Variants in USP13 observed in about 807,000 individuals in gnomAD.
USP13 encodes the protein ubiquitin specific peptidase 13, also known as ubiquitin carboxyl-terminal hydrolase 13.
USP13 carries 68 observed loss-of-function variants against 107.8 expected under a neutral mutation model. That is an observed-to-expected ratio of 0.63 (90% confidence interval 0.52 to 0.77). USP13 has a LOEUF of 0.77. Ranked by LOEUF, USP13 falls within the 30% of genes least tolerant of loss-of-function variation. The probability of loss-of-function intolerance (pLI) is 0.00; values close to 1 mark genes in which losing one functional copy is unlikely to be tolerated. For synonymous variants in USP13, 377 were observed against 389.5 expected, an observed-to-expected ratio of 0.97 and a Z score of 0.38; for missense variants, 945 against 1,093.3, an observed-to-expected ratio of 0.86 and a Z score of 1.91.
intron 1 of USP13, among the ~76,000 whole-genome samples, chr3:179,661,520 GT>G (rs1478132113): frequency 6.6e-6 from 1 of 151,588 alleles, no homozygotes; most frequent in East Asian, 1.9e-4. Flanking sequence ...TGGCTGGGCT[GT>G]TTCTTTGGGG....
intron 12 of USP13, among the ~76,000 whole-genome samples, chr3:179,743,355 A>G (rs1001243706): frequency 1.3e-5 from 2 of 151,222 alleles, no homozygotes; most frequent in Non-Finnish European, 2.9e-5. Context: ...CGTTCTACAC[A>G]TGTATCCTGG....
At position 179,701,147 on chromosome 3, in the gene USP13, G is replaced by C; in HGVS notation, c.477+18G>C. On this transcript the variant is annotated intron_variant, in intron 4 of 20. Transcript: ENST00000263966. Reference sequence around the variant, plus strand: ...CAGCCCTGGTCAGTGAGTGTGCACGGCTGCTAGCTAGATGCGCATGGCTCT... The same window carrying C: ...CAGCCCTGGTCAGTGAGTGTGCACGCCTGCTAGCTAGATGCGCATGGCTCT... 1 of 1,466,656 alleles carries C rather than the reference G, an allele frequency of 6.8e-7. No individual in the cohort carries two copies. Among genetic ancestry groups the C allele is most frequent in the Non-Finnish European group, 9.2e-7 (1 of 1,086,880 alleles). The allele number at this position is 1,466,656 out of a possible 1,614,324, so 90.9% of individuals were successfully genotyped here.
intron 8 of USP13, among the ~76,000 whole-genome samples, chr3:179,725,555 G>A (rs1278733101): frequency 6.6e-6 from 1 of 152,208 alleles, no homozygotes; most frequent in East Asian, 1.9e-4. Context: ...GTGCCTAGAA[G>A]TTTCTAGTAG....
At chr3:179,778,583 G>A (rs942697241) in intron 19 of USP13, among the ~76,000 whole-genome samples, 5 of 152,174 alleles carry the variant, frequency 3.3e-5, no homozygotes, top group African/African-American at 1.2e-4. Context: ...GGCCAGCATG[G>A]CGAAACCCCG....
intron 19 of USP13, among the ~76,000 whole-genome samples, chr3:179,774,765 A>AC (rs1238053175): frequency 6.6e-6 from 1 of 151,730 alleles, no homozygotes; most frequent in Non-Finnish European, 1.5e-5. Flanking sequence ...CCCTTATCTG[A>AC]CCCCACCCAC....
intron 19 of USP13, among the ~76,000 whole-genome samples, chr3:179,780,289 CTG>C (rs1715700584): frequency 6.6e-6 from 1 of 152,138 alleles, no homozygotes; most frequent in Non-Finnish European, 1.5e-5. Context: ...AGAAGTAAAA[CTG>C]TCTCTATTTG....
intron 1 of USP13, among the ~76,000 whole-genome samples, chr3:179,663,910 G>T (rs1162164689): frequency 6.6e-6 from 1 of 152,202 alleles, no homozygotes; most frequent in Non-Finnish European, 1.5e-5. Context: ...CAGCTCAGAT[G>T]TTCTTTGTGA....
intron 4 of USP13, among the ~76,000 whole-genome samples, chr3:179,701,357 A>G (rs976251823): frequency 1.3e-5 from 2 of 152,132 alleles, no homozygotes; most frequent in African/African-American, 4.8e-5. Flanking sequence ...TCTTACTTCA[A>G]GTGCTGTTAG....
chr3:179,694,554 G>T (rs1254647546), intron 3 of USP13, among the ~76,000 whole-genome samples: 3 of 152,074 alleles, frequency 2.0e-5, no homozygotes, highest in Non-Finnish European at 2.9e-5. Context: ...TGTAATCTCA[G>T]CACTTTGGGA....
At position 179,703,502 on chromosome 3, in the gene USP13, AGG is replaced by A. The variant is rs1439970939; in HGVS notation, c.477+2376_477+2377del. Among the ~76,000 whole-genome samples, 6 of 152,294 alleles carry A rather than the reference AGG, an allele frequency of 3.9e-5. No individual in the cohort carries two copies. The Middle Eastern group carries it at 0.017, about 432-fold the overall frequency. Reference sequence around the variant, plus strand: ...AGAGACATAGCACTGTGAGCTCGGCAGGGGTCTTAGAGCTTGAAATCCAATGC... The same window carrying A: ...AGAGACATAGCACTGTGAGCTCGGCAGGTCTTAGAGCTTGAAATCCAATGC... On this transcript the variant is annotated intron_variant, in intron 4 of 20. Transcript: ENST00000263966.
intron 13 of USP13, among the ~76,000 whole-genome samples, chr3:179,750,957 C>T (rs1358217456): frequency 6.6e-6 from 1 of 152,148 alleles, no homozygotes; most frequent in Non-Finnish European, 1.5e-5. Context: ...GGAAGCAATA[C>T]ATTTGCATTT....
intron 8 of USP13, 106 bp from the exon 9 acceptor site, chr3:179,730,083 A>T: frequency 1.0e-6 from 1 of 1,004,152 alleles, no homozygotes; most frequent in Non-Finnish European, 1.5e-6. Flanking sequence ...TAGATTGTTT[A>T]GTTTGACAAA....
chr3:179,778,286 A>T (rs896663586), intron 19 of USP13, among the ~76,000 whole-genome samples: 13 of 152,216 alleles, frequency 8.5e-5, no homozygotes, highest in African/African-American at 3.1e-4. Context: ...AAGCGAAAGG[A>T]GTCATTCCTT....
chr3:179,729,095 A>G (rs996989161), intron 8 of USP13, among the ~76,000 whole-genome samples: 2 of 152,206 alleles, frequency 1.3e-5, no homozygotes, highest in South Asian at 4.1e-4. Context: ...GGCCATAGGT[A>G]TAGGAGCACT....
chr3:179,727,884 G>A lies in USP13; in HGVS notation c.1089-2305G>A, dbSNP rs1206300788. 1.3e-4 allele frequency among the ~76,000 whole-genome samples: 9 copies of A among 68,916 alleles called. 3 individuals are homozygous for A. The highest frequency in any genetic ancestry group is 2.9e-4 in the Non-Finnish European group (8 of 27,606). The allele number at this position is 68,916 out of a possible 152,430, so 45.2% of individuals were successfully genotyped here. A position where few individuals can be genotyped will look rare whatever the true frequency, so the allele number is the denominator to read the frequency against. ...CCAGTAGGGGCGGCCGGGCAGAGGC[G>A]CCCCTCACCTCCCGGACGGGGCGGC... On this transcript the variant is annotated intron_variant, in intron 8 of 20. Transcript: ENST00000263966.
chr3:179,726,266 CTGGGGCAG>C (rs1713513239), intron 8 of USP13, among the ~76,000 whole-genome samples: 1 of 152,080 alleles, frequency 6.6e-6, no homozygotes, highest in Non-Finnish European at 1.5e-5. Flanking sequence ...CTGTCATGCC[CTGGGGCAG>C]CAAGAGGGAC....
Position 179,730,192 on chromosome 3 carries a change from T to C in USP13, c.1092T>C (p.Tyr364=), listed in dbSNP as rs752341422. The C allele has an allele frequency of 6.2e-7, 1 of 1,612,778 alleles. No individual in the cohort carries two copies. The highest frequency in any genetic ancestry group is 1.3e-5 in the African/African-American group (1 of 74,898). Residue 364 remains tyrosine, a synonymous_variant, in exon 9 of 21, where the codon TAT becomes TAC. Coordinates refer to ENST00000263966, the MANE Select transcript of USP13 (RefSeq NM_003940.3). The part of the protein sequence containing the change: ...IFSIPEFQRA[Y]VGNLPRIFDY... ...ACTATTGCCTCTCATTTTCTAGGTA[T>C]GTAGGAAACCTTCCCAGAATATTTG...
chr3:179,699,207 TA>T (rs1371698661), intron 3 of USP13, among the ~76,000 whole-genome samples: 2 of 152,168 alleles, frequency 1.3e-5, no homozygotes, highest in African/African-American at 4.8e-5. Context: ...GATTCCAACT[TA>T]AAAAAATATA....
At chr3:179,674,959 A>G (rs1720851415) in intron 1 of USP13, among the ~76,000 whole-genome samples, 1 of 152,304 alleles carries the variant, frequency 6.6e-6, no homozygotes, top group East Asian at 1.9e-4. Context: ...ATCGATCACA[A>G]GGTCAGGAGA....
Sources: allele counts gnomAD v4.1 joint callset (sites outside exome capture counted in the v4.1 genomes callset), GRCh38; gene constraint gnomAD v4.1.1; transcripts MANE v1.5; gene names NCBI Gene and HGNC (gene_info 2026-07-23, HGNC 2026-07-21).